Variants in NELL2 observed in about 807,000 individuals in gnomAD.
NELL2 encodes protein kinase C-binding protein NELL2.
Under a neutral mutation model 109.6 loss-of-function variants are expected in NELL2, and 41 were observed. The observed-to-expected ratio is 0.37, with a 90% CI of 0.29 to 0.49. NELL2 has a LOEUF of 0.49. Ranked by LOEUF, NELL2 falls within the 20% of genes least tolerant of loss-of-function variation. The probability of loss-of-function intolerance (pLI) is 0.98; values close to 1 mark genes in which losing one functional copy is unlikely to be tolerated. For synonymous variants in NELL2, 355 were observed against 344.7 expected (o/e 1.03, Z -0.33); for missense variants, 900 against 1,008.3 (o/e 0.89, Z 1.45).
At chr12:44,837,346 G>A (rs1263235146) in intron 2 of NELL2, among the ~76,000 whole-genome samples, 1 of 152,170 alleles carries the variant, frequency 6.6e-6, no homozygotes, top group Non-Finnish European at 1.5e-5. Flanking sequence ...TCCTCCAGGG[G>A]AACCTCATCC....
At chr12:44,683,371 A>G (rs1271758812) in intron 12 of NELL2, among the ~76,000 whole-genome samples, 2 of 144,288 alleles carry the variant, frequency 1.4e-5, no homozygotes, top group Non-Finnish European at 1.5e-5. Flanking sequence ...GCAAACAGGG[A>G]CAATTTGACT....
intron 13 of NELL2, among the ~76,000 whole-genome samples, chr12:44,649,397 C>G (rs765007683): frequency 2.4e-4 from 36 of 152,218 alleles, no homozygotes; most frequent in Non-Finnish European, 7.3e-5. Flanking sequence ...CCTGCTGCCA[C>G]TTGGCAAATC....
At chr12:44,753,861 T>TA (rs397735728) in intron 9 of NELL2, among the ~76,000 whole-genome samples, 5 of 151,676 alleles carry the variant, frequency 3.3e-5, no homozygotes, top group Admixed American at 2.0e-4. Context: ...AAGGAATGTT[T>TA]TGTTAAAATT....
chr12:44,808,650 TATTA>T (rs995192706), intron 3 of NELL2, among the ~76,000 whole-genome samples: 1 of 152,052 alleles, frequency 6.6e-6, no homozygotes, highest in African/African-American at 2.4e-5. Context: ...TATGTCAGTC[TATTA>T]ATTTCTTCCA....
chr12:44,514,962 G>C (rs28790945), intron 19 of NELL2, among the ~76,000 whole-genome samples: 45,455 of 150,512 alleles, frequency 0.3, 11,582 homozygotes, highest in African/African-American at 0.7. Context: ...ATTATAATCC[G>C]TAGGACAACA....
At chr12:44,736,766 T>C (rs992607063) in intron 9 of NELL2, among the ~76,000 whole-genome samples, 3 of 152,108 alleles carry the variant, frequency 2.0e-5, no homozygotes, top group African/African-American at 7.2e-5. Flanking sequence ...TAATTTTATA[T>C]AAGAATTATA....
At chr12:44,733,091 A>T (rs910934340) in intron 9 of NELL2, among the ~76,000 whole-genome samples, 1 of 152,024 alleles carries the variant, frequency 6.6e-6, no homozygotes, top group Non-Finnish European at 1.5e-5. Flanking sequence ...GATGTAGAGA[A>T]ACTGGAAACT....
At chr12:44,672,597 G>A (rs1243140303) in intron 12 of NELL2, among the ~76,000 whole-genome samples, 9 of 152,190 alleles carry the variant, frequency 5.9e-5, no homozygotes, top group Admixed American at 5.9e-4. Flanking sequence ...TCATAAGTAT[G>A]TGTGAAATAC....
intron 9 of NELL2, among the ~76,000 whole-genome samples, chr12:44,715,023 A>C (rs1407710064): frequency 6.6e-6 from 1 of 151,958 alleles, no homozygotes; most frequent in Admixed American, 6.6e-5. Context: ...CTTACAGCCA[A>C]TTACTTGCCT....
Position 44,876,133 on chromosome 12 carries a change from G to A in NELL2, c.-264C>T. 9 of 1,297,924 alleles carry A rather than the reference G, an allele frequency of 6.9e-6. No individual in the cohort carries two copies. Among genetic ancestry groups the A allele is most frequent in the Non-Finnish European group, 8.8e-6 (9 of 1,022,208 alleles). 80.4% of individuals were successfully genotyped at this position (1,297,924 alleles called of 1,614,324 possible). A position where few individuals can be genotyped will look rare whatever the true frequency, so the allele number is the denominator to read the frequency against. ...CAGCGCGGCCCGGAGGGGGCCCGGA[G>A]GGAGGGGTCGGACTCGCCCCGGCGC... On this transcript the variant is annotated 5_prime_UTR_variant, in exon 1 of 20. Coordinates refer to ENST00000429094, the MANE Select transcript of NELL2 (RefSeq NM_001145108.2).
intron 13 of NELL2, among the ~76,000 whole-genome samples, chr12:44,631,505 C>T (rs201344434): frequency 9.2e-5 from 14 of 151,824 alleles, no homozygotes; most frequent in South Asian, 4.2e-4. Context: ...GACATAAAGA[C>T]GGCAACAGCG....
At chr12:44,920,118 A>C (rs1000609831) in intron 1 of NELL2, among the ~76,000 whole-genome samples, 7 of 152,188 alleles carry the variant, frequency 4.6e-5, no homozygotes, top group African/African-American at 1.7e-4. Context: ...AAGTTATGTA[A>C]TGTATGTTAA....
intron 1 of NELL2, among the ~76,000 whole-genome samples, chr12:44,910,352 A>T (rs1945766261): frequency 6.6e-6 from 1 of 152,022 alleles, no homozygotes; most frequent in Non-Finnish European, 1.5e-5. Context: ...TGGCCAACAA[A>T]CATGAAAAAT....
chr12:44,720,023 G>T (rs560087364), intron 9 of NELL2, among the ~76,000 whole-genome samples: 1 of 115,364 alleles, frequency 8.7e-6, no homozygotes, highest in African/African-American at 2.7e-5. Flanking sequence ...CATTTATCCT[G>T]CCTACAACCT....
intron 13 of NELL2, among the ~76,000 whole-genome samples, chr12:44,636,860 C>T (rs1360439684): frequency 6.6e-6 from 1 of 151,032 alleles, no homozygotes; most frequent in East Asian, 1.9e-4. Flanking sequence ...AAGTAGAATC[C>T]TGCTTTGATT....
intron 13 of NELL2, among the ~76,000 whole-genome samples, chr12:44,639,507 C>G (rs1416857510): frequency 1.3e-5 from 2 of 152,118 alleles, no homozygotes; most frequent in South Asian, 4.1e-4. Context: ...CCTTACTACT[C>G]TTGCCATTTT....
chr12:44,713,740 A>G (rs1485130611), intron 10 of NELL2, among the ~76,000 whole-genome samples: 1 of 151,936 alleles, frequency 6.6e-6, no homozygotes, highest in Non-Finnish European at 1.5e-5. Flanking sequence ...ATTAAGATGC[A>G]TAAACTGGAT....
chr12:44,604,121 G>A (rs530911314), intron 15 of NELL2, among the ~76,000 whole-genome samples: 5 of 152,098 alleles, frequency 3.3e-5, no homozygotes, highest in Non-Finnish European at 7.4e-5. Context: ...GAGACCTGAT[G>A]AAGGATGATG....
chr12:44,716,985 G>A (rs928754196), intron 9 of NELL2, among the ~76,000 whole-genome samples: 1 of 151,962 alleles, frequency 6.6e-6, no homozygotes, highest in Admixed American at 6.6e-5. Flanking sequence ...TTGGCAGGGA[G>A]GGAAAAAGCA....
Sources: gnomAD v4.1 joint callset for allele counts (sites outside exome capture counted in the v4.1 genomes callset) on GRCh38, gnomAD v4.1.1 for gene constraint, MANE v1.5 for transcripts, NCBI Gene and HGNC (gene_info 2026-07-23, HGNC 2026-07-21) for gene names.